The following RRP1B variants were observed in gnomAD, a reference collection of about 807,000 sequenced individuals.
RRP1B encodes the protein ribosomal RNA processing protein 1 homolog B.
In RRP1B, 56 loss-of-function variants were observed where a neutral mutation model predicts 80.2. That is an observed-to-expected ratio of 0.70 (90% CI 0.56 to 0.87). The LOEUF (loss-of-function observed/expected upper bound fraction) is 0.87, where lower values mean the gene tolerates loss of function less well. Among genes scored for constraint, RRP1B ranks in the 40% least tolerant of loss-of-function variants. The probability of loss-of-function intolerance (pLI) is 0.00; values close to 1 mark genes in which losing one functional copy is unlikely to be tolerated. For missense variants in RRP1B, 807 were observed against 939.8 expected (o/e 0.86, Z 1.85); for synonymous variants, 351 against 357.6 (o/e 0.98, Z 0.21).
rs115629605 is a variant in RRP1B, at chr21:43,672,340, C to A, written c.246C>A (p.Val82=). 3 of 1,613,966 alleles carry A rather than the reference C, an allele frequency of 1.9e-6. No individual in the cohort carries two copies. The highest frequency in any genetic ancestry group is 2.5e-6 in the Non-Finnish European group (3 of 1,179,980). ...TCGCCAACACCATTGCACAGCTAGTCCATGCTGTTAACAACTCAGCGGCTC... is the reference window on the plus strand; with the variant it reads ...TCGCCAACACCATTGCACAGCTAGTACATGCTGTTAACAACTCAGCGGCTC... ...EELANTIAQL[V]HAVNNSAAQH... Residue 82 remains valine, a synonymous_variant, in exon 3 of 16, where the codon GTC becomes GTA. Transcript: ENST00000340648.
chr21:43,669,804 A>T, intron 1 of RRP1B, 80 bp from the exon 2 acceptor site: 2 of 940,116 alleles, frequency 2.1e-6, no homozygotes, highest in Non-Finnish European at 1.7e-6. Flanking sequence ...ATTAAAATGT[A>T]TGTGATACTT....
chr21:43,695,220 AT>A lies in RRP1B; in HGVS notation c.*1842del, dbSNP rs1172404586. ...TTCTTCCTAGAATATTTTTCTAACA[AT>A]TTTTATTTCAGCTTTAAAGATGGGT... On this transcript the variant is annotated 3_prime_UTR_variant, in exon 16 of 16. Coordinates refer to ENST00000340648, the MANE Select transcript of RRP1B (RefSeq NM_015056.3). 1 of 151,516 alleles carries A rather than the reference AT, an allele frequency of 6.6e-6. No individual in the cohort carries two copies. The highest frequency in any genetic ancestry group is 1.9e-4 in the East Asian group (1 of 5,184). 9.4% of individuals were successfully genotyped at this position (151,516 alleles called of 1,614,324 possible).
Position 43,691,924 on chromosome 21 carries a change from A to G in RRP1B, c.2083+422A>G, listed in dbSNP as rs968084230. On this transcript the variant is annotated intron_variant, in intron 15 of 15. Coordinates refer to ENST00000340648, the MANE Select transcript of RRP1B (RefSeq NM_015056.3). The surrounding 1 kb of genome is among the most constrained non-coding windows in gnomAD (Gnocchi z 4.2). ...GGCCTCCCAAAGATCTGGGATTACA[A>G]GCGTGAGCCACCGAGCCCGGCCCCT... 6.6e-5 allele frequency among the ~76,000 whole-genome samples: 10 copies of G among 151,698 alleles called. No homozygotes were observed. The East Asian group carries it at 1.9e-3, about 29-fold the overall frequency.
Position 43,690,440 on chromosome 21 carries a change from GGTACGCACCCTCCCCAGA to G in RRP1B, c.2019+3_2019+20del, listed in dbSNP as rs777905879. 1.2e-6 allele frequency: 2 copies of G among 1,613,854 alleles called. No individual in the cohort carries two copies. Among genetic ancestry groups the G allele is most frequent in the South Asian group, 2.2e-5 (2 of 91,040 alleles). On this transcript the variant is annotated splice_donor_variant and splice_donor_5th_base_variant and intron_variant, in intron 14 of 15. Coordinates refer to ENST00000340648, the MANE Select transcript of RRP1B (RefSeq NM_015056.3). LOFTEE classifies it high-confidence loss of function. ...CCCACCCTCCAGGCCCTGCCGTCCA[GGTACGCACCCTCCCCAGA>G]GTGGCACAGCACATTTCACCACAAG...
At chr21:43,677,597 A>G (rs572423380) in intron 8 of RRP1B, among the ~76,000 whole-genome samples, 12 of 152,376 alleles carry the variant, frequency 7.9e-5, no homozygotes, top group African/African-American at 2.6e-4. Flanking sequence ...AATGTGACAG[A>G]CATATATATA....
In RRP1B at chr21:43,691,581, A is replaced by C; in HGVS notation, c.2083+79A>C. The C allele has an allele frequency of 1.5e-6, 2 of 1,299,878 alleles. No individual in the cohort carries two copies. Among genetic ancestry groups the C allele is most frequent in the Non-Finnish European group, 2.2e-6 (2 of 898,928 alleles). 80.5% of individuals were successfully genotyped at this position (1,299,878 alleles called of 1,614,324 possible). A position where few individuals can be genotyped will look rare whatever the true frequency, so the allele number is the denominator to read the frequency against. ...GGCGCGGCTCGCAGCCTGGTTCCAC[A>C]AGGCGGTCGGGGAAGAGGGGGGTCC... On this transcript the variant is annotated intron_variant, in intron 15 of 15. Coordinates refer to ENST00000340648, the MANE Select transcript of RRP1B (RefSeq NM_015056.3). The surrounding 1 kb of genome is among the most constrained non-coding windows in gnomAD (Gnocchi z 4.2).
intron 6 of RRP1B, among the ~76,000 whole-genome samples, chr21:43,675,789 G>T (rs2083019264): frequency 6.6e-6 from 1 of 152,160 alleles, no homozygotes. Context: ...GGGCAGCTTT[G>T]AATGTGGCCC....
intron 1 of RRP1B, among the ~76,000 whole-genome samples, chr21:43,668,069 C>T (rs886918941): frequency 6.6e-6 from 1 of 151,886 alleles, no homozygotes; most frequent in East Asian, 1.9e-4. Context: ...ATTAGCCAGG[C>T]GTGGTGGCAC....
At chr21:43,675,849 A>G (rs1475614534) in intron 6 of RRP1B, among the ~76,000 whole-genome samples, 1 of 113,782 alleles carries the variant, frequency 8.8e-6, no homozygotes, top group East Asian at 2.5e-4. Context: ...TTTGCATTTT[A>G]TTTTATTTTA....
intron 1 of RRP1B, among the ~76,000 whole-genome samples, chr21:43,661,560 G>A (rs1017406710): frequency 6.6e-6 from 1 of 152,076 alleles, no homozygotes; most frequent in African/African-American, 2.4e-5. Context: ...ATTCTTGACC[G>A]TGGGCTCTTT....
rs754008716 is a variant in RRP1B, at chr21:43,690,292, G to A, written c.1871G>A (p.Ser624Asn). The A allele has an allele frequency of 1.2e-5, 19 of 1,614,206 alleles. No individual in the cohort carries two copies. The highest frequency in any genetic ancestry group is 6.6e-5 in the South Asian group (6 of 91,088). ...TCTCACCCCTCGCTCACGTAGGGAA[G>A]CAGTGGGACTTGCAGTTCCCTGAAG... ...SEAGQPQALG[S>N]SGTCSSLKKQ... is the part of the protein sequence containing the mutation. The change falls in exon 14 of 16, where the codon AGC (serine) becomes AAC (asparagine). Residue 624 changes from serine (S) to asparagine (N), a missense_variant. Transcript: ENST00000340648.
At chr21:43,686,066 A>G (rs2083061971) in intron 11 of RRP1B, 1 of 292,576 alleles carries the variant, frequency 3.4e-6, no homozygotes, top group Non-Finnish European at 6.3e-6. Flanking sequence ...GGATGCAGTA[A>G]GTTGTAATCA....
intron 8 of RRP1B, among the ~76,000 whole-genome samples, chr21:43,678,549 G>A (rs914390971): frequency 2.4e-4 from 37 of 152,194 alleles, no homozygotes; most frequent in African/African-American, 6.7e-4. Flanking sequence ...TTGCATTTCC[G>A]TGTGTTTGTT....
intron 3 of RRP1B, among the ~76,000 whole-genome samples, chr21:43,673,621 G>A (rs2083008760): frequency 6.7e-6 from 1 of 148,388 alleles, no homozygotes; most frequent in Non-Finnish European, 1.5e-5. Flanking sequence ...GCCACAGAGT[G>A]GGACCCCGTC....
chr21:43,659,738 A>G lies in RRP1B; in HGVS notation c.74A>G (p.Asp25Gly). 1 of 1,530,620 alleles carries G rather than the reference A, an allele frequency of 6.5e-7. No homozygotes were observed. The highest frequency in any genetic ancestry group is 8.8e-7 in the Non-Finnish European group (1 of 1,137,278). 94.8% of individuals were successfully genotyped at this position (1,530,620 alleles called of 1,614,324 possible). A position where few individuals can be genotyped will look rare whatever the true frequency, so the allele number is the denominator to read the frequency against. ...GCGTCCAGCGAGAAGGGCATCCGGG[A>G]CCGAGCGGTGAAGAAGCTGCGCCAG... is the stretch of plus-strand genomic sequence containing the variant. ...RLASSEKGIR[D>G]RAVKKLRQYI... The change falls in exon 1 of 16, where the codon GAC (aspartate) becomes GGC (glycine). Residue 25 changes from aspartate to glycine, a missense_variant. Coordinates refer to ENST00000340648, the MANE Select transcript of RRP1B (RefSeq NM_015056.3). This position sits in a 1 kb window ranked among gnomAD's most constrained non-coding sequence, Gnocchi z 4.2.
At chr21:43,660,299 C>CA (rs1431055854) in intron 1 of RRP1B, among the ~76,000 whole-genome samples, 1 of 152,236 alleles carries the variant, frequency 6.6e-6, no homozygotes, top group African/African-American at 2.4e-5. Context: ...CGCGGTGTCT[C>CA]ACGCATGTAA....
intron 1 of RRP1B, among the ~76,000 whole-genome samples, chr21:43,660,609 A>C (rs1052782296): frequency 6.6e-6 from 1 of 152,208 alleles, no homozygotes; most frequent in Non-Finnish European, 1.5e-5. Context: ...AGATAATAGC[A>C]AAAAGGGAAG....
chr21:43,683,955 G>A (rs1416152695), intron 9 of RRP1B, among the ~76,000 whole-genome samples: 5 of 139,056 alleles, frequency 3.6e-5, no homozygotes, highest in African/African-American at 1.1e-4. Flanking sequence ...CTCCAGCCTG[G>A]GTGACAGACT....
chr21:43,688,201 C>G lies in RRP1B; in HGVS notation c.1827C>G (p.Asn609Lys). 6.4e-7 allele frequency: 1 copy of G among 1,574,244 alleles called. No homozygotes were observed. Among genetic ancestry groups the G allele is most frequent in the Non-Finnish European group, 8.6e-7 (1 of 1,159,064 alleles). The change falls in exon 13 of 16, where the codon AAC becomes AAG. Residue 609 changes from asparagine (N) to lysine (K), a missense_variant. Coordinates refer to ENST00000340648, the MANE Select transcript of RRP1B (RefSeq NM_015056.3). ...MRVMSNLVEH[N>K]GVLESEAGQP... ...TGATGTCAAACTTGGTGGAGCACAA[C>G]GGGGTGCTGGAGTCCGAAGCTGGGC...
Sources: allele counts gnomAD v4.1 joint callset (sites outside exome capture counted in the v4.1 genomes callset), GRCh38; gene constraint gnomAD v4.1.1; non-coding constraint Gnocchi (gnomAD v3.1); transcripts MANE v1.5; gene names NCBI Gene and HGNC (gene_info 2026-07-23, HGNC 2026-07-21).